Variants in FEM1C observed in about 807,000 individuals in gnomAD.
FEM1C encodes the protein fem-1 homolog C.
A neutral mutation model predicts 37.6 loss-of-function variants in FEM1C; 15 were observed. The observed-to-expected ratio is 0.40, with a 90% CI of 0.27 to 0.61. The LOEUF is 0.61. Ranked by LOEUF, FEM1C falls within the 20% of genes least tolerant of loss-of-function variation. The pLI, the probability that FEM1C is intolerant of heterozygous loss-of-function variation, is 0.42. For synonymous variants in FEM1C, 287 were observed against 272.8 expected (o/e 1.05, Z -0.51); for missense variants, 532 against 749.7 (o/e 0.71, Z 3.39).
In FEM1C at chr5:115,543,686, A is replaced by G; in HGVS notation, c.-190-3T>C. The G allele has an allele frequency of 7.4e-7, 1 of 1,355,844 alleles. No homozygotes were observed. The allele number at this position is 1,355,844 out of a possible 1,614,324, so 84.0% of individuals were successfully genotyped here. On this transcript the variant is annotated splice_region_variant and splice_polypyrimidine_tract_variant and intron_variant, in intron 1 of 2. Transcript: ENST00000274457. ...CATCTGACAACCAGGGCACCAAACTAGAGAAAGAAAAAAAAAGTAGCAGCA... is the reference window on the plus strand; with the variant it reads ...CATCTGACAACCAGGGCACCAAACTGGAGAAAGAAAAAAAAAGTAGCAGCA...
At position 115,524,658 on chromosome 5, in the gene FEM1C, C is replaced by T. The variant is rs1417639617; in HGVS notation, c.1504G>A (p.Val502Ile). The stretch of plus-strand genomic sequence containing the variant: ...ACTTGTAGAGATGGAAATTTACAAA[C>T]AGGGTACCGCCCTACACATGTAGTA... ...KNTTCVGRYP[V>I]CKFPSLQVTA... The change falls in exon 3 of 3, where the codon GTT becomes ATT. Residue 502 changes from valine (V) to isoleucine (I), a missense_variant. Around this residue, in one of 3 missense-constraint regions of FEM1C, gnomAD observed 237 missense variants for 260.5 expected, o/e 0.91. Coordinates refer to ENST00000274457, the MANE Select transcript of FEM1C (RefSeq NM_020177.3). 1 of 1,567,590 alleles carries T rather than the reference C, an allele frequency of 6.4e-7. No individual in the cohort carries two copies. The highest frequency in any genetic ancestry group is 1.4e-5 in the African/African-American group (1 of 73,214).
chr5:115,528,126 T>TA (rs894839645), intron 2 of FEM1C, among the ~76,000 whole-genome samples: 1 of 151,842 alleles, frequency 6.6e-6, no homozygotes, highest in African/African-American at 2.4e-5. Context: ...AAAGTAGCTT[T>TA]AAAAAAACAA....
intron 2 of FEM1C, among the ~76,000 whole-genome samples, chr5:115,534,812 G>A (rs1172271708): frequency 1.3e-5 from 2 of 151,868 alleles, no homozygotes; most frequent in Non-Finnish European, 2.9e-5. Context: ...ATAAAATGCA[G>A]ATTTTGATTC....
At chr5:115,534,371 A>AT in intron 2 of FEM1C, among the ~76,000 whole-genome samples, 1 of 151,808 alleles carries the variant, frequency 6.6e-6, no homozygotes, top group Admixed American at 6.6e-5. Context: ...TAGAATCAAC[A>AT]TTTTTTTCAA....
intron 2 of FEM1C, among the ~76,000 whole-genome samples, chr5:115,536,103 G>A (rs2127173061): frequency 1.3e-5 from 2 of 152,012 alleles, no homozygotes; most frequent in East Asian, 3.9e-4. Context: ...GACTCTTAAT[G>A]GATATGAGAT....
At chr5:115,540,221 C>A (rs371702693) in intron 2 of FEM1C, among the ~76,000 whole-genome samples, 53 of 152,078 alleles carry the variant, frequency 3.5e-4, no homozygotes, top group African/African-American at 1.2e-3. Flanking sequence ...GAAAAAAATC[C>A]AGAACCAATG....
At position 115,524,904 on chromosome 5, in the gene FEM1C, GGAC is replaced by G; in HGVS notation, c.1255_1257del (p.Val419del). On this transcript the variant is annotated inframe_deletion, in exon 3 of 3. Coordinates refer to ENST00000274457, the MANE Select transcript of FEM1C (RefSeq NM_020177.3). ...TGTTTGATAGCTCGCTCTATTTCAA[GGAC>G]GCTTTTGCAAAGTATGCCCATAAGA... 6.2e-7 allele frequency: 1 copy of G among 1,613,762 alleles called. No homozygotes were observed. The highest frequency in any genetic ancestry group is 8.5e-7 in the Non-Finnish European group (1 of 1,179,810).
rs1235545931 is a variant in FEM1C at position 115,521,490 on chromosome 5, C to T, written c.*2818G>A. 2.0e-5 allele frequency: 3 copies of T among 151,744 alleles called. No individual in the cohort carries two copies. In the East Asian group the frequency reaches 5.8e-4, roughly 29 times the overall value. The allele number at this position is 151,744 out of a possible 1,614,324, so 9.4% of individuals were successfully genotyped here. A position where few individuals can be genotyped will look rare whatever the true frequency, so the allele number is the denominator to read the frequency against. ...TCAGATTTATGAATAAGAAAAATGA[C>T]TATTTTTAAGTCTATAATCCATTTG... On this transcript the variant is annotated 3_prime_UTR_variant, in exon 3 of 3. Coordinates refer to ENST00000274457, the MANE Select transcript of FEM1C (RefSeq NM_020177.3).
rs577688189 is a variant in FEM1C at position 115,534,606 on chromosome 5, G to A, written c.544+8344C>T. ...AAGTCAGTTTCTAAACCACCCTCACGGAGTAGACAGAATTTACTGCTCTTT... is the reference window on the plus strand; with the variant it reads ...AAGTCAGTTTCTAAACCACCCTCACAGAGTAGACAGAATTTACTGCTCTTT... On this transcript the variant is annotated intron_variant, in intron 2 of 2. Coordinates refer to ENST00000274457, the MANE Select transcript of FEM1C (RefSeq NM_020177.3). 7.2e-5 allele frequency among the ~76,000 whole-genome samples: 11 copies of A among 151,964 alleles called. 1 individual carries two copies. Among genetic ancestry groups the A allele is most frequent in the Admixed American group, 5.2e-4 (8 of 15,242 alleles).
At chr5:115,540,070 CTA>C (rs1390492151) in intron 2 of FEM1C, among the ~76,000 whole-genome samples, 2 of 152,042 alleles carry the variant, frequency 1.3e-5, no homozygotes, top group Non-Finnish European at 2.9e-5. Flanking sequence ...TAATTTAACT[CTA>C]GTCTTATTAA....
chr5:115,536,191 G>A lies in FEM1C; in HGVS notation c.544+6759C>T, dbSNP rs187729417. On this transcript the variant is annotated intron_variant, in intron 2 of 2. Transcript: ENST00000274457. ...GAACATACTGAAAAGCCATTGAATT[G>A]TATACACTTTAAGTGGTTTTGTGAA... Among the ~76,000 whole-genome samples, 5 of 152,014 alleles carry A rather than the reference G, an allele frequency of 3.3e-5. No homozygotes were observed. In the East Asian group the frequency reaches 9.7e-4, roughly 29 times the overall value.
Position 115,524,401 on chromosome 5 carries a change from C to G in FEM1C, c.1761G>C (p.Gln587His). The G allele has an allele frequency of 1.2e-6, 2 of 1,613,572 alleles. No individual in the cohort carries two copies. The highest frequency in any genetic ancestry group is 1.7e-6 in the Non-Finnish European group (2 of 1,179,714). ...TCACTATGACACGAGCAGCAAGACACTGCAATGTGGTATGATTTATAGGCT... is the reference window on the plus strand; with the variant it reads ...TCACTATGACACGAGCAGCAAGACAGTGCAATGTGGTATGATTTATAGGCT... ...LIQPINHTTL[Q>H]CLAARVIVNH... Residue 587 changes from glutamine (Q) to histidine (H), a missense_variant, in exon 3 of 3, where the codon CAG becomes CAC. Gln to His is a conservative substitution (Grantham distance 24). Transcript: ENST00000274457.
At chr5:115,543,959 G>A in intron 1 of FEM1C, 1 of 985,312 alleles carries the variant, frequency 1.0e-6, no homozygotes, top group Non-Finnish European at 1.2e-6. Flanking sequence ...GCTCTAACCA[G>A]CCAAGCTTTG....
rs759344199 is a variant in FEM1C, at chr5:115,539,002, C to T, written c.544+3948G>A. ...CTCTAAAATCCTATAGCATGGATTG[C>T]TTATACTATTCCTTCAGAAGTTAAA... is the stretch of plus-strand genomic sequence containing the variant. On this transcript the variant is annotated intron_variant, in intron 2 of 2. Coordinates refer to ENST00000274457, the MANE Select transcript of FEM1C (RefSeq NM_020177.3). Among the ~76,000 whole-genome samples, 5 of 151,992 alleles carry T rather than the reference C, an allele frequency of 3.3e-5. No individual in the cohort carries two copies. In the East Asian group the frequency reaches 9.6e-4, roughly 29 times the overall value.
At chr5:115,532,179 A>G (rs1256034429) in intron 2 of FEM1C, among the ~76,000 whole-genome samples, 1 of 152,140 alleles carries the variant, frequency 6.6e-6, no homozygotes, top group Admixed American at 6.6e-5. Flanking sequence ...TTCACATAAC[A>G]TCTACTATTA....
intron 2 of FEM1C, among the ~76,000 whole-genome samples, chr5:115,539,056 C>T (rs1001785272): frequency 6.6e-6 from 1 of 151,968 alleles, no homozygotes; most frequent in Admixed American, 6.6e-5. Context: ...TTCTCATAAC[C>T]TCCAAAATGT....
intron 2 of FEM1C, among the ~76,000 whole-genome samples, chr5:115,536,857 A>C (rs1158741093): frequency 6.6e-6 from 1 of 152,128 alleles, no homozygotes; most frequent in East Asian, 1.9e-4. Flanking sequence ...TCTGCATCCA[A>C]AGAGGTAAGA....
At chr5:115,536,129 T>C (rs1754122624) in intron 2 of FEM1C, among the ~76,000 whole-genome samples, 1 of 151,830 alleles carries the variant, frequency 6.6e-6, no homozygotes, top group Non-Finnish European at 1.5e-5. Context: ...CCGGGGGTGA[T>C]GAAAAGCTGA....
chr5:115,539,296 C>G (rs1754192464), intron 2 of FEM1C, among the ~76,000 whole-genome samples: 1 of 151,968 alleles, frequency 6.6e-6, no homozygotes, highest in African/African-American at 2.4e-5. Context: ...TTGAAGAGGA[C>G]TTAACTTTGG....
Sources: allele counts gnomAD v4.1 joint callset (sites outside exome capture counted in the v4.1 genomes callset), GRCh38; gene constraint gnomAD v4.1.1; regional missense constraint gnomAD v4.1.1; transcripts MANE v1.5; gene names NCBI Gene and HGNC (gene_info 2026-07-23, HGNC 2026-07-21).